Variants in ITGA9 observed in about 807,000 individuals in gnomAD.
ITGA9 encodes the protein integrin subunit alpha 9, also known as integrin alpha-9.
A neutral mutation model predicts 127.8 loss-of-function variants in ITGA9; 56 were observed. The observed-to-expected ratio is 0.44, with a 90% CI of 0.35 to 0.55. ITGA9 has a LOEUF of 0.55. Among genes scored for constraint, ITGA9 ranks in the 20% least tolerant of loss-of-function variants. The probability of loss-of-function intolerance (pLI) is 0.00; values close to 1 mark genes in which losing one functional copy is unlikely to be tolerated. For missense variants in ITGA9, 1,196 were observed against 1,347.1 expected, an observed-to-expected ratio of 0.89 and a Z score of 1.76; for synonymous variants, 508 against 514.5, an observed-to-expected ratio of 0.99 and a Z score of 0.17.
chr3:37,512,427 C>T (rs1028589560), intron 8 of ITGA9, among the ~76,000 whole-genome samples: 6 of 151,546 alleles, frequency 4.0e-5, no homozygotes, highest in African/African-American at 1.5e-4. Flanking sequence ...ACCATGTTGG[C>T]CAGGCTGGTC....
At chr3:37,526,144 G>C in intron 13 of ITGA9, 73 bp downstream of exon 13, 1 of 1,287,334 alleles carries the variant, frequency 7.8e-7, no homozygotes, top group South Asian at 1.2e-5. Context: ...CCATTCATGG[G>C]CTCTTTCCTC....
intron 26 of ITGA9, among the ~76,000 whole-genome samples, chr3:37,794,184 T>C (rs1697145951): frequency 6.6e-6 from 1 of 152,220 alleles, no homozygotes; most frequent in African/African-American, 2.4e-5. Flanking sequence ...AACTAGGCAC[T>C]ACAACTTCCA....
intron 27 of ITGA9, chr3:37,808,450 GAAAAC>G (rs978092622): frequency 6.6e-6 from 1 of 152,188 alleles, no homozygotes; most frequent in Admixed American, 6.5e-5. Context: ...TCTCAGAAAA[GAAAAC>G]AATTAGGCAG....
chr3:37,683,772 G>T, intron 17 of ITGA9, 93 bp from the exon 18 acceptor site: 1 of 1,310,752 alleles, frequency 7.6e-7, no homozygotes, highest in Non-Finnish European at 1.1e-6. Context: ...TTCTGATCTC[G>T]GTTTCTGCCC....
At chr3:37,566,797 A>G (rs969510644) in intron 15 of ITGA9, among the ~76,000 whole-genome samples, 6 of 152,374 alleles carry the variant, frequency 3.9e-5, no homozygotes, top group Non-Finnish European at 5.9e-5. Flanking sequence ...AGCAAGAGCC[A>G]TGGAATCCCT....
Position 37,773,144 on chromosome 3 carries a change from C to T in ITGA9, c.2542-4248C>T, listed in dbSNP as rs116422475. Among the ~76,000 whole-genome samples the T allele has an allele frequency of 6.6e-3, 1,003 of 152,316 alleles. 8 individuals carry two copies. Among genetic ancestry groups the T allele is most frequent in the African/African-American group, 0.023 (935 of 41,552 alleles). Reference sequence around the variant, plus strand: ...CACTGGCTGGGCTGGAGCTCTGCTCCCAAGCTTCCTCTCCCTGCCTAGAAA... The same window carrying T: ...CACTGGCTGGGCTGGAGCTCTGCTCTCAAGCTTCCTCTCCCTGCCTAGAAA... On this transcript the variant is annotated intron_variant, in intron 23 of 27. Coordinates refer to ENST00000264741, the MANE Select transcript of ITGA9 (RefSeq NM_002207.3).
At chr3:37,521,633 G>A (rs1054021309) in intron 11 of ITGA9, among the ~76,000 whole-genome samples, 1 of 152,186 alleles carries the variant, frequency 6.6e-6, no homozygotes, top group Non-Finnish European at 1.5e-5. Context: ...AGATGTCTGT[G>A]GGATAACTTA....
At chr3:37,496,125 A>G (rs1698725348) in intron 5 of ITGA9, among the ~76,000 whole-genome samples, 1 of 152,170 alleles carries the variant, frequency 6.6e-6, no homozygotes, top group East Asian at 1.9e-4. Context: ...TCCTTTCAGA[A>G]ACTGCTGTTT....
Position 37,784,999 on chromosome 3 carries a change from T to C in ITGA9, c.2810T>C (p.Phe937Ser). Residue 937 changes from phenylalanine to serine, a missense_variant, in exon 26 of 28, where the codon TTC (phenylalanine) becomes TCC (serine). By Grantham distance (155) the Phe-to-Ser change is radical (BLOSUM62 -2). Transcript: ENST00000264741. ...LKKDSSSVIQ[F>S]MSRAKVKVDP... ...CAGGACAGTTCGTCTGTCATCCAGT[T>C]CATGTCCCGCGCCAAGGTGAAGGTG... The C allele has an allele frequency of 6.2e-7, 1 of 1,614,108 alleles. No homozygotes were observed. Among genetic ancestry groups the C allele is most frequent in the Non-Finnish European group, 8.5e-7 (1 of 1,179,950 alleles).
At chr3:37,674,343 A>T (rs1000778371) in intron 17 of ITGA9, among the ~76,000 whole-genome samples, 3 of 152,226 alleles carry the variant, frequency 2.0e-5, no homozygotes, top group African/African-American at 7.2e-5. Flanking sequence ...ACATTCTGGG[A>T]CAAAATAGCC....
intron 4 of ITGA9, among the ~76,000 whole-genome samples, chr3:37,486,415 C>A (rs943894493): frequency 6.6e-6 from 1 of 152,174 alleles, no homozygotes; most frequent in Admixed American, 6.5e-5. Context: ...GCCTGGTGCC[C>A]TCATCTATAA....
rs541254333 is a variant in ITGA9 at position 37,481,629 on chromosome 3, C to T, written c.544+22C>T. ...GAAGGTGAGCATGGATTGATTTTTCCTCATCCCCCTACCCACCTCATGCCC... is the reference window on the plus strand; with the variant it reads ...GAAGGTGAGCATGGATTGATTTTTCTTCATCCCCCTACCCACCTCATGCCC... On this transcript the variant is annotated intron_variant, in intron 4 of 27. Coordinates refer to ENST00000264741, the MANE Select transcript of ITGA9 (RefSeq NM_002207.3). 6.8e-6 allele frequency: 11 copies of T among 1,614,112 alleles called. No homozygotes were observed. The South Asian group carries it at 1.1e-4, about 16-fold the overall frequency.
chr3:37,805,079 A>G (rs1347551404), intron 27 of ITGA9, among the ~76,000 whole-genome samples: 1 of 144,478 alleles, frequency 6.9e-6, no homozygotes, highest in East Asian at 2.0e-4. Context: ...TTTTTTTTTT[A>G]AGTATGGGGT....
At chr3:37,700,835 A>G (rs902786490) in intron 18 of ITGA9, among the ~76,000 whole-genome samples, 1 of 152,242 alleles carries the variant, frequency 6.6e-6, no homozygotes, top group African/African-American at 2.4e-5. Context: ...ATATTACACC[A>G]GTAATTTTTA....
chr3:37,717,587 G>C (rs996035290), intron 18 of ITGA9, among the ~76,000 whole-genome samples: 3 of 152,160 alleles, frequency 2.0e-5, no homozygotes, highest in African/African-American at 7.2e-5. Context: ...AGAGAAGGGG[G>C]CTGGTGGGGG....
chr3:37,605,028 G>C (rs775158877), intron 15 of ITGA9, among the ~76,000 whole-genome samples: 18 of 152,202 alleles, frequency 1.2e-4, no homozygotes, highest in Non-Finnish European at 2.2e-4. Flanking sequence ...GATAGCAAGT[G>C]AATGTATAAT....
At chr3:37,490,417 T>C (rs866989267) in intron 4 of ITGA9, among the ~76,000 whole-genome samples, 8 of 152,186 alleles carry the variant, frequency 5.3e-5, no homozygotes, top group Non-Finnish European at 7.4e-5. Context: ...AAGCTATTTT[T>C]CCCCCAGTAT....
rs1389363511 is a variant in ITGA9 at position 37,720,530 on chromosome 3, A to AT, written c.2068-12174dup. 2.0e-5 allele frequency among the ~76,000 whole-genome samples: 3 copies of AT among 152,230 alleles called. No individual in the cohort carries two copies. In the East Asian group the frequency reaches 5.8e-4, roughly 29 times the overall value. The stretch of plus-strand genomic sequence containing the variant: ...CTAAGAATTTGCAGCCTCCGAGGAA[A>AT]TTTTTTTTAATTGAAGAAAAACTAA... On this transcript the variant is annotated intron_variant, in intron 18 of 27. Transcript: ENST00000264741.
chr3:37,785,076 A>G lies in ITGA9; in HGVS notation c.2887A>G (p.Thr963Ala). 1 of 1,610,656 alleles carries G rather than the reference A, an allele frequency of 6.2e-7. No homozygotes were observed. Among genetic ancestry groups the G allele is most frequent in the Non-Finnish European group, 8.5e-7 (1 of 1,176,818 alleles). The change falls in exon 26 of 28, where the codon ACG (threonine) becomes GCG (alanine). Residue 963 changes from threonine to alanine, a missense_variant and splice_region_variant. Transcript: ENST00000264741. The part of the protein sequence containing the change: ...EIAHGNPEEV[T>A]VVFEALHNLE... ...AGCTCATGGGAACCCAGAAGAGGTGACGGTGAGTCAGCCACCCCAGGACAG... is the reference window on the plus strand; with the variant it reads ...AGCTCATGGGAACCCAGAAGAGGTGGCGGTGAGTCAGCCACCCCAGGACAG...
Sources: allele counts gnomAD v4.1 joint callset (sites outside exome capture counted in the v4.1 genomes callset), GRCh38; gene constraint gnomAD v4.1.1; transcripts MANE v1.5; gene names NCBI Gene and HGNC (gene_info 2026-07-23, HGNC 2026-07-21).